The following LRRC39 variants were observed in gnomAD, a reference collection of about 807,000 sequenced individuals.
The protein encoded by LRRC39 is leucine rich repeat containing 39, also known as leucine-rich repeat-containing protein 39.
A neutral mutation model predicts 39.7 loss-of-function variants in LRRC39; 35 were observed. The ratio of observed to expected loss-of-function variants is 0.88; its 90% CI spans 0.67 to 1.17. LRRC39 has a LOEUF of 1.17. Among genes scored for constraint, LRRC39 ranks in the 50% most tolerant of loss-of-function variants. The probability of loss-of-function intolerance (pLI) is 0.00; values close to 1 mark genes in which losing one functional copy is unlikely to be tolerated. For synonymous variants in LRRC39, 113 were observed against 134.1 expected, an observed-to-expected ratio of 0.84 and a Z score of 1.09; for missense variants, 357 against 385.8, an observed-to-expected ratio of 0.93 and a Z score of 0.62.
In LRRC39 at chr1:100,156,283, A is replaced by G; in HGVS notation, c.548T>C (p.Leu183Pro). 2 of 1,612,462 alleles carry G rather than the reference A, an allele frequency of 1.2e-6. No individual in the cohort carries two copies. The highest frequency in any genetic ancestry group is 1.1e-5 in the South Asian group (1 of 90,796). The part of the protein sequence containing the change: ...SNLLKLTHLD[L>P]SMNDFTTIPL... ...GATTGTAGTAAAATCGTTCATACTC[A>G]GATCAAGGTGAGTAAGTTTTAGCAG... is the stretch of plus-strand genomic sequence containing the variant. The change falls in exon 7 of 10, where the codon CTG becomes CCG. Residue 183 changes from leucine to proline, a missense_variant. By Grantham distance (98) the Leu-to-Pro change is moderately conservative. Coordinates refer to ENST00000370137, the MANE Select transcript of LRRC39 (RefSeq NM_144620.4).
Position 100,156,255 on chromosome 1 carries a change from AG to A in LRRC39, c.575del (p.Pro192LeufsTer5). 6.2e-7 allele frequency: 1 copy of A among 1,614,020 alleles called. No individual in the cohort carries two copies. The highest frequency in any genetic ancestry group is 8.5e-7 in the Non-Finnish European group (1 of 1,179,914). On this transcript the variant is annotated frameshift_variant, in exon 7 of 10. Coordinates refer to ENST00000370137, the MANE Select transcript of LRRC39 (RefSeq NM_144620.4). LOFTEE classifies it high-confidence loss of function. Reference protein sequence around the residue: ...DLSMNDFTTIPLAVLNMPALE... With the variant: ...DLSMNDFTTIXLAVLNMPALE... ...GGGCAGGCATGTTCAACACAGCAAG[AG>A]GGATTGTAGTAAAATCGTTCATACT...
At chr1:100,179,644 G>A (rs907699886), upstream of LRRC39, among the ~76,000 whole-genome samples, 2 of 151,534 alleles carry the variant, frequency 1.3e-5, no homozygotes, top group African/African-American at 4.8e-5. Context: ...GACTGAGGTG[G>A]GAGGATACCT....
chr1:100,168,824 G>T (rs970921780), intron 2 of LRRC39, among the ~76,000 whole-genome samples: 2 of 151,846 alleles, frequency 1.3e-5, no homozygotes, highest in African/African-American at 4.8e-5. Flanking sequence ...CAATTTTCTT[G>T]GGGGTCTCAT....
At chr1:100,173,882 G>T (rs1659789540) in intron 1 of LRRC39, among the ~76,000 whole-genome samples, 1 of 151,974 alleles carries the variant, frequency 6.6e-6, no homozygotes, top group Non-Finnish European at 1.5e-5. Context: ...ACAATGAACA[G>T]AATATGTAAA....
chr1:100,177,139 T>A (rs780041264), intron 1 of LRRC39, among the ~76,000 whole-genome samples: 1 of 152,024 alleles, frequency 6.6e-6, no homozygotes, highest in African/African-American at 2.4e-5. Context: ...GCTCCACAGA[T>A]GTTTAAAGTT....
chr1:100,161,396 A>C (rs1343916502), intron 3 of LRRC39, among the ~76,000 whole-genome samples: 1 of 152,132 alleles, frequency 6.6e-6, no homozygotes, highest in Non-Finnish European at 1.5e-5. Context: ...CGTTTTTTTC[A>C]AAGTTCATCC....
chr1:100,167,188 A>G (rs116637467), intron 3 of LRRC39, among the ~76,000 whole-genome samples: 5,465 of 152,320 alleles, frequency 0.036, 106 homozygotes, highest in Non-Finnish European at 0.045. Flanking sequence ...AAGAAGAAAT[A>G]GAAAAAAATA....
intron 9 of LRRC39, 98 bp from the exon 10 acceptor site, chr1:100,149,195 T>C: frequency 6.7e-7 from 1 of 1,498,234 alleles, no homozygotes; most frequent in South Asian, 1.4e-5. Context: ...ATATTTTTTA[T>C]TTCTTAAGTT....
At chr1:100,172,913 TCA>T (rs1659725508) in intron 2 of LRRC39, among the ~76,000 whole-genome samples, 1 of 147,542 alleles carries the variant, frequency 6.8e-6, no homozygotes, top group Non-Finnish European at 1.5e-5. Context: ...TGAGCTGAGA[TCA>T]TGCCACTGCA....
At chr1:100,159,852 A>G (rs1269144296) in intron 4 of LRRC39, among the ~76,000 whole-genome samples, 3 of 152,064 alleles carry the variant, frequency 2.0e-5, no homozygotes, top group Non-Finnish European at 1.5e-5. Context: ...TTAAAAATTT[A>G]TTTTTTAATT....
chr1:100,168,759 G>C, intron 2 of LRRC39, 165 bp from the exon 3 acceptor site: 1 of 343,762 alleles, frequency 2.9e-6, no homozygotes, highest in East Asian at 5.4e-5. Context: ...CTATAATATA[G>C]GTACTTTTAT....
intron 2 of LRRC39, among the ~76,000 whole-genome samples, chr1:100,168,814 C>A (rs1659415538): frequency 6.6e-6 from 1 of 151,912 alleles, no homozygotes; most frequent in African/African-American, 2.4e-5. Flanking sequence ...AGAAGGTGAA[C>A]AATTTTCTTG....
At chr1:100,150,165 T>C (rs1657835853) in intron 9 of LRRC39, 1 of 152,240 alleles carries the variant, frequency 6.6e-6, no homozygotes, top group Non-Finnish European at 1.5e-5. Context: ...GTAAAATGCA[T>C]AGAACAGTTC....
chr1:100,162,796 C>T (rs943218508), intron 3 of LRRC39, among the ~76,000 whole-genome samples: 9 of 152,044 alleles, frequency 5.9e-5, no homozygotes, highest in Non-Finnish European at 1.2e-4. Flanking sequence ...TATGAGCAGT[C>T]CTGAAAGCAT....
intron 3 of LRRC39, among the ~76,000 whole-genome samples, chr1:100,162,218 TTAC>T (rs919055233): frequency 1.3e-5 from 2 of 152,224 alleles, no homozygotes; most frequent in Non-Finnish European, 2.9e-5. Context: ...CAATTTCATC[TTAC>T]TACATGTTAA....
intron 5 of LRRC39, among the ~76,000 whole-genome samples, chr1:100,158,731 C>T (rs1388953199): frequency 1.3e-5 from 2 of 152,128 alleles, no homozygotes; most frequent in South Asian, 2.1e-4. Context: ...CCACCGCGCC[C>T]GGCCTACAGC....
At position 100,156,185 on chromosome 1, in the gene LRRC39, CA is replaced by C. The variant is rs1658430124; in HGVS notation, c.645del (p.Asp216IlefsTer3). 6.2e-7 allele frequency: 1 copy of C among 1,613,500 alleles called. No homozygotes were observed. Among genetic ancestry groups the C allele is most frequent in the African/African-American group, 1.3e-5 (1 of 74,898 alleles). On this transcript the variant is annotated frameshift_variant, in exon 7 of 10. Coordinates refer to ENST00000370137, the MANE Select transcript of LRRC39 (RefSeq NM_144620.4). LOFTEE classifies it high-confidence loss of function. ...DMGSNKLEQL[P>X]DTIERMQNLH... ...TATTTCTTTTACCTTTCTATAGTATCAGGAAGTTGTTCAAGTTTGTTGCTTC... is the reference window on the plus strand; with the variant it reads ...TATTTCTTTTACCTTTCTATAGTATCGGAAGTTGTTCAAGTTTGTTGCTTC...
chr1:100,179,051 A>G (rs755029911), upstream of LRRC39, among the ~76,000 whole-genome samples: 1 of 152,136 alleles, frequency 6.6e-6, no homozygotes, highest in Non-Finnish European at 1.5e-5. Context: ...TCTTTTCTTC[A>G]CTCAGGATAT....
At chr1:100,169,567 G>A (rs560340696) in intron 2 of LRRC39, among the ~76,000 whole-genome samples, 22 of 151,726 alleles carry the variant, frequency 1.4e-4, no homozygotes, top group African/African-American at 4.8e-4. Flanking sequence ...ATATTTCATC[G>A]GTAAACTATA....
Sources: allele counts gnomAD v4.1 joint callset (sites outside exome capture counted in the v4.1 genomes callset), GRCh38; gene constraint gnomAD v4.1.1; transcripts MANE v1.5; gene names NCBI Gene and HGNC (gene_info 2026-07-23, HGNC 2026-07-21).